Variants in SPECC1 observed in about 807,000 individuals in gnomAD.
SPECC1 encodes cytospin-B.
Under a neutral mutation model 104.1 loss-of-function variants are expected in SPECC1, and 62 were observed. The ratio of observed to expected loss-of-function variants is 0.60; its 90% CI spans 0.49 to 0.74. The LOEUF is 0.74. Among genes scored for constraint, SPECC1 ranks in the 30% least tolerant of loss-of-function variants. SPECC1 has a pLI of 0.00. For missense variants in SPECC1, 1,306 were observed against 1,310.5 expected (o/e 1.00, Z 0.05); for synonymous variants, 513 against 501.6 (o/e 1.02, Z -0.30).
At chr17:20,114,203 G>GT (rs1015189123) in intron 3 of SPECC1, among the ~76,000 whole-genome samples, 1 of 151,916 alleles carries the variant, frequency 6.6e-6, no homozygotes, top group Non-Finnish European at 1.5e-5. Flanking sequence ...TTTTGTTTTT[G>GT]TTTTTTTGAG....
intron 1 of SPECC1, among the ~76,000 whole-genome samples, chr17:20,048,305 T>C (rs2045616369): frequency 6.6e-6 from 1 of 152,008 alleles, no homozygotes; most frequent in Non-Finnish European, 1.5e-5. Flanking sequence ...GGCTAATTTT[T>C]TGTATTTTTA....
intron 1 of SPECC1, among the ~76,000 whole-genome samples, chr17:20,048,642 C>T (rs1322164329): frequency 6.6e-6 from 1 of 152,032 alleles, no homozygotes; most frequent in Admixed American, 6.5e-5. Flanking sequence ...CGCGGTGGCT[C>T]ACGCCTGTAA....
chr17:20,303,607 T>C (rs1406594331), intron 13 of SPECC1, among the ~76,000 whole-genome samples: 7 of 152,116 alleles, frequency 4.6e-5, no homozygotes, highest in Non-Finnish European at 1.0e-4. Flanking sequence ...GGGTATAAAA[T>C]GATGTATGAA....
At chr17:20,292,063 G>C (rs933335924) in intron 12 of SPECC1, among the ~76,000 whole-genome samples, 2 of 151,836 alleles carry the variant, frequency 1.3e-5, no homozygotes, top group Non-Finnish European at 2.9e-5. Flanking sequence ...AGCCTGGCTT[G>C]CTTTCTTCCA....
intron 12 of SPECC1, among the ~76,000 whole-genome samples, chr17:20,285,414 CT>C (rs577368624): frequency 1.4e-4 from 20 of 147,930 alleles, no homozygotes; most frequent in Admixed American, 4.0e-4. Context: ...CTGTATCTTA[CT>C]TTTTTTTTTT....
At chr17:20,079,959 G>A (rs970714444) in intron 1 of SPECC1, among the ~76,000 whole-genome samples, 2 of 152,148 alleles carry the variant, frequency 1.3e-5, no homozygotes, top group South Asian at 2.1e-4. Context: ...CACCCCTACC[G>A]CCATGTCTTC....
intron 3 of SPECC1, among the ~76,000 whole-genome samples, chr17:20,159,676 A>C (rs1167411121): frequency 1.3e-5 from 2 of 152,206 alleles, no homozygotes; most frequent in Admixed American, 1.3e-4. Context: ...ATGACTTAAC[A>C]TGGTATTGCA....
Position 20,100,180 on chromosome 17 carries a change from C to T in SPECC1, c.147+3382C>T, listed in dbSNP as rs1281512647. The stretch of plus-strand genomic sequence containing the variant: ...GGCCTTCTGCTCTCCTTCCCGATTC[C>T]TGTCCTCTCCAGGCCTGATTCTGTG... On this transcript the variant is annotated intron_variant, in intron 2 of 14. Coordinates refer to ENST00000395527, the MANE Select transcript of SPECC1 (RefSeq NM_001243439.2). Among the ~76,000 whole-genome samples the T allele has an allele frequency of 5.3e-5, 8 of 152,140 alleles. No homozygotes were observed. In the East Asian group the frequency reaches 1.5e-3, roughly 29 times the overall value.
At chr17:20,105,887 G>A (rs1176204967) in intron 2 of SPECC1, among the ~76,000 whole-genome samples, 2 of 152,182 alleles carry the variant, frequency 1.3e-5, no homozygotes, top group African/African-American at 2.4e-5. Context: ...TGGAGGCTGT[G>A]GTGGGATCTC....
chr17:20,116,803 C>CTTTTTTTTTTTT lies in SPECC1; in HGVS notation c.283+6260_283+6271dup, dbSNP rs58127201. Among the ~76,000 whole-genome samples the CTTTTTTTTTTTT allele has an allele frequency of 2.6e-4, 13 of 50,424 alleles. 3 individuals are homozygous for CTTTTTTTTTTTT. The highest frequency in any genetic ancestry group is 4.1e-4 in the Non-Finnish European group (11 of 26,996). The allele number at this position is 50,424 out of a possible 152,430, so 33.1% of individuals were successfully genotyped here. A position where few individuals can be genotyped will look rare whatever the true frequency, so the allele number is the denominator to read the frequency against. ...GGGAACAATTGGCAGTGTCTGGAGACTTTTTTTTTTTTTTTTTTTTTTTTT... is the reference window on the plus strand; with the variant it reads ...GGGAACAATTGGCAGTGTCTGGAGACTTTTTTTTTTTTTTTTTTTTTTTTTTTTTTTTTTTTT... On this transcript the variant is annotated intron_variant, in intron 3 of 14. Coordinates refer to ENST00000395527, the MANE Select transcript of SPECC1 (RefSeq NM_001243439.2).
intron 1 of SPECC1, among the ~76,000 whole-genome samples, chr17:20,019,207 C>CATTTATTT (rs751117883): frequency 4.7e-4 from 60 of 127,282 alleles, no homozygotes; most frequent in South Asian, 1.2e-3. Context: ...AAGACCCTAT[C>CATTTATTT]ATTCATTTAT....
At chr17:20,069,977 T>C (rs1387278332) in intron 1 of SPECC1, among the ~76,000 whole-genome samples, 1 of 152,178 alleles carries the variant, frequency 6.6e-6, no homozygotes, top group Non-Finnish European at 1.5e-5. Flanking sequence ...GCAGCCTTCC[T>C]GAACTCCTTT....
intron 1 of SPECC1, among the ~76,000 whole-genome samples, chr17:20,021,199 C>T (rs1016987023): frequency 6.6e-6 from 1 of 151,866 alleles, no homozygotes; most frequent in Non-Finnish European, 1.5e-5. Flanking sequence ...GTCTTGCTGT[C>T]TTGGGGGTAG....
At chr17:20,125,097 G>A (rs892012440) in intron 3 of SPECC1, among the ~76,000 whole-genome samples, 9 of 152,064 alleles carry the variant, frequency 5.9e-5, no homozygotes, top group South Asian at 2.1e-4. Context: ...GGAGAATGGC[G>A]TGAACCCGGG....
At chr17:20,264,996 A>G (rs1249377073) in intron 12 of SPECC1, among the ~76,000 whole-genome samples, 1 of 152,086 alleles carries the variant, frequency 6.6e-6, no homozygotes, top group African/African-American at 2.4e-5. Context: ...TCCATGGTGT[A>G]TATTTACCAC....
Position 20,096,804 on chromosome 17 carries a change from G to T in SPECC1, c.147+6G>T, listed in dbSNP as rs200553988. The T allele has an allele frequency of 6.8e-6, 11 of 1,611,178 alleles. No individual in the cohort carries two copies. Among genetic ancestry groups the T allele is most frequent in the African/African-American group, 2.7e-5 (2 of 74,988 alleles). ...TTGAGTCCCGACTCAGCAGGGTATG[G>T]ATCAAAATGCACAGGGCCAGGCAGA... is the stretch of plus-strand genomic sequence containing the variant. On this transcript the variant is annotated splice_donor_region_variant and intron_variant, in intron 2 of 14. Transcript: ENST00000395527.
At chr17:20,226,346 A>T (rs2038203618) in intron 4 of SPECC1, among the ~76,000 whole-genome samples, 1 of 152,232 alleles carries the variant, frequency 6.6e-6, no homozygotes, top group Non-Finnish European at 1.5e-5. Context: ...TAGAGGACAA[A>T]GCATATTACC....
chr17:20,138,063 G>T (rs897690045), intron 3 of SPECC1, among the ~76,000 whole-genome samples: 1 of 151,978 alleles, frequency 6.6e-6, no homozygotes, highest in African/African-American at 2.4e-5. Flanking sequence ...TGAACTCCTG[G>T]GCTCAAGCAG....
At chr17:20,179,987 A>G (rs1372736718) in intron 3 of SPECC1, among the ~76,000 whole-genome samples, 1 of 152,200 alleles carries the variant, frequency 6.6e-6, no homozygotes, top group Admixed American at 6.5e-5. Flanking sequence ...GCATTCAGAT[A>G]TAAAATTCCT....
Sources: allele counts gnomAD v4.1 joint callset (sites outside exome capture counted in the v4.1 genomes callset), GRCh38; gene constraint gnomAD v4.1.1; transcripts MANE v1.5; gene names NCBI Gene and HGNC (gene_info 2026-07-23, HGNC 2026-07-21).